Variants in DISC1 observed in about 807,000 individuals in gnomAD.
DISC1 encodes disrupted in schizophrenia 1 protein.
A neutral mutation model predicts 84.5 loss-of-function variants in DISC1; 57 were observed. The observed-to-expected ratio is 0.67, with a 90% confidence interval of 0.55 to 0.84. The LOEUF is 0.84. Ranked by LOEUF, DISC1 falls within the 40% of genes least tolerant of loss-of-function variation. The pLI is 0.00. For missense variants in DISC1, 1,000 were observed against 1,057.8 expected, an observed-to-expected ratio of 0.95 and a Z score of 0.76; for synonymous variants, 411 against 415.2, an observed-to-expected ratio of 0.99 and a Z score of 0.12.
intron 9 of DISC1, among the ~76,000 whole-genome samples, chr1:231,836,294 C>T (rs1353234334): frequency 1.3e-5 from 2 of 151,992 alleles, no homozygotes; most frequent in African/African-American, 4.8e-5. Flanking sequence ...CATAGGTGAA[C>T]GGATAGTGTC....
chr1:231,885,975 A>C (rs1305889806), intron 9 of DISC1, among the ~76,000 whole-genome samples: 1 of 152,216 alleles, frequency 6.6e-6, no homozygotes, highest in African/African-American at 2.4e-5. Flanking sequence ...TGGGAAGTTC[A>C]AGATCAAGGG....
At chr1:231,914,385 T>A (rs1305517609) in intron 9 of DISC1, among the ~76,000 whole-genome samples, 2 of 152,206 alleles carry the variant, frequency 1.3e-5, no homozygotes, top group African/African-American at 4.8e-5. Flanking sequence ...TTTATCTAAG[T>A]ACACGGGGTA....
At chr1:232,002,256 A>T (rs1572580363) in intron 10 of DISC1, among the ~76,000 whole-genome samples, 1 of 152,196 alleles carries the variant, frequency 6.6e-6, no homozygotes, top group Admixed American at 6.5e-5. Flanking sequence ...GAGAAACAAG[A>T]TCACTCATGC....
At chr1:231,896,504 C>T (rs1193932353) in intron 9 of DISC1, among the ~76,000 whole-genome samples, 1 of 152,106 alleles carries the variant, frequency 6.6e-6, no homozygotes, top group Non-Finnish European at 1.5e-5. Context: ...TTATGCTTTT[C>T]ACTGTTCTCC....
chr1:232,014,733 G>A (rs1342073179), intron 11 of DISC1, among the ~76,000 whole-genome samples: 1 of 152,132 alleles, frequency 6.6e-6, no homozygotes, highest in Non-Finnish European at 1.5e-5. Context: ...CACCTATCAT[G>A]CATCATTAAC....
intron 6 of DISC1, among the ~76,000 whole-genome samples, chr1:231,785,524 G>A (rs1378077236): frequency 6.6e-6 from 1 of 151,782 alleles, no homozygotes; most frequent in East Asian, 1.9e-4. Context: ...GAACTCCCGC[G>A]CTCAAGTGAT....
In DISC1 at chr1:232,031,506, GAAAGGAAAGAAAGA is replaced by G. The variant is rs1353372123; in HGVS notation, c.2425+4964_2425+4977del. ...AGGGAAGGAAAGAAAGAAAGGAAAGGAAAGGAAAGAAAGAAAAGGAAAGGAAAGAAAGAAAACCC... is the reference window on the plus strand; with the variant it reads ...AGGGAAGGAAAGAAAGAAAGGAAAGGAAAGGAAAGGAAAGAAAGAAAACCC... On this transcript the variant is annotated intron_variant, in intron 12 of 12. Transcript: ENST00000439617. The surrounding 1 kb of genome is among the most constrained non-coding windows in gnomAD (Gnocchi z 4.6). Among the ~76,000 whole-genome samples the G allele has an allele frequency of 4.0e-5, 6 of 151,692 alleles. No individual in the cohort carries two copies. In the South Asian group the frequency reaches 6.3e-4, roughly 16 times the overall value.
intron 3 of DISC1, among the ~76,000 whole-genome samples, chr1:231,711,731 A>G (rs2067877247): frequency 6.6e-6 from 1 of 152,174 alleles, no homozygotes; most frequent in Non-Finnish European, 1.5e-5. Context: ...AAGAGGACTT[A>G]TGATCTGGTG....
chr1:231,634,496 A>G (rs12078191), intron 1 of DISC1, among the ~76,000 whole-genome samples: 3,070 of 152,260 alleles, frequency 0.02, 98 homozygotes, highest in African/African-American at 0.07. Context: ...GTCTTGTGTT[A>G]TAGCTGCAGG....
intron 1 of DISC1, among the ~76,000 whole-genome samples, chr1:231,631,338 TG>T (rs560473246): frequency 3.3e-4 from 51 of 152,358 alleles, no homozygotes; most frequent in African/African-American, 1.2e-3. Flanking sequence ...AATTTCCTAA[TG>T]CCTAGTATTT....
chr1:231,698,055 G>T lies in DISC1; in HGVS notation c.1047+3250G>T, dbSNP rs1054633017. Among the ~76,000 whole-genome samples, 6 of 152,144 alleles carry T rather than the reference G, an allele frequency of 3.9e-5. No individual in the cohort carries two copies. The highest frequency in any genetic ancestry group is 1.4e-4 in the African/African-American group (6 of 41,428). On this transcript the variant is annotated intron_variant, in intron 2 of 12. Coordinates refer to ENST00000439617, the MANE Select transcript of DISC1 (RefSeq NM_018662.3). This position sits in a 1 kb window ranked among gnomAD's most constrained non-coding sequence, Gnocchi z 4.9. ...TGCTCCAGAAACTTTATTCAGGCATGAGTTAGAGTGCTGTTGGCCAGAGTA... is the reference window on the plus strand; with the variant it reads ...TGCTCCAGAAACTTTATTCAGGCATTAGTTAGAGTGCTGTTGGCCAGAGTA...
chr1:231,929,118 T>C (rs960810241), intron 9 of DISC1, among the ~76,000 whole-genome samples: 1 of 152,172 alleles, frequency 6.6e-6, no homozygotes, highest in Non-Finnish European at 1.5e-5. Flanking sequence ...TCCTTGTTAA[T>C]TTTCTGTCTT....
chr1:231,942,591 G>T (rs960672314), intron 9 of DISC1, among the ~76,000 whole-genome samples: 1 of 152,162 alleles, frequency 6.6e-6, no homozygotes, highest in African/African-American at 2.4e-5. Flanking sequence ...CTTGGACCTG[G>T]GAGGCAGAGG....
intron 1 of DISC1, among the ~76,000 whole-genome samples, chr1:231,654,508 T>C (rs1185327925): frequency 6.6e-6 from 1 of 152,164 alleles, no homozygotes; most frequent in East Asian, 1.9e-4. Flanking sequence ...AATTTTGAAA[T>C]ATATTGCATT....
Position 232,036,888 on chromosome 1 carries a change from T to C in DISC1, c.*57T>C. 5 of 1,428,544 alleles carry C rather than the reference T, an allele frequency of 3.5e-6. No individual in the cohort carries two copies. Among genetic ancestry groups the C allele is most frequent in the Non-Finnish European group, 4.7e-6 (5 of 1,073,472 alleles). 88.5% of individuals were successfully genotyped at this position (1,428,544 alleles called of 1,614,324 possible). On this transcript the variant is annotated 3_prime_UTR_variant, in exon 13 of 13. Transcript: ENST00000439617. The stretch of plus-strand genomic sequence containing the variant: ...ACCATGTTTGGACCCGGGGGGCTGC[T>C]CTTCCCTCCCCCGCCATAGCTAAGA...
chr1:231,713,042 A>G (rs2068080827), intron 3 of DISC1, among the ~76,000 whole-genome samples: 1 of 152,186 alleles, frequency 6.6e-6, no homozygotes, highest in Non-Finnish European at 1.5e-5. Flanking sequence ...AGTTAAGTGT[A>G]AGGTTGGGTA....
intron 4 of DISC1, among the ~76,000 whole-genome samples, chr1:231,762,213 CTCTTCTTTTCTTTTCTT>C (rs1558498104): frequency 0.025 from 2,399 of 96,036 alleles, 36 homozygotes; most frequent in Middle Eastern, 0.073. Context: ...CTTTTCTTTT[CTCTTCTTTTCTTTTCTT>C]TTCTTTTCTT....
intron 8 of DISC1, among the ~76,000 whole-genome samples, chr1:231,807,926 C>A (rs2079879245): frequency 6.6e-6 from 1 of 152,248 alleles, no homozygotes; most frequent in Non-Finnish European, 1.5e-5. Flanking sequence ...ATGCCAGAGG[C>A]AGCCCTGCAT....
At chr1:231,959,104 T>TAG (rs1469086594) in intron 10 of DISC1, 36 of 1,282,748 alleles carry the variant, frequency 2.8e-5, no homozygotes, top group Non-Finnish European at 3.2e-5. Flanking sequence ...TGTTTAAAAG[T>TAG]GTCTTGGAGA....
Sources: gnomAD v4.1 joint callset for allele counts (sites outside exome capture counted in the v4.1 genomes callset) on GRCh38, gnomAD v4.1.1 for gene constraint, Gnocchi (gnomAD v3.1) non-coding constraint, MANE v1.5 for transcripts, NCBI Gene and HGNC (gene_info 2026-07-23, HGNC 2026-07-21) for gene names.